PTPN3: variants seen among roughly 807,000 people sequenced by gnomAD.
PTPN3 encodes the protein protein tyrosine phosphatase non-receptor type 3.
In PTPN3, 96 loss-of-function variants were observed where a neutral mutation model predicts 132.7. That is an observed-to-expected ratio of 0.72 (90% CI 0.61 to 0.86). PTPN3 has a LOEUF of 0.86. Among genes scored for constraint, PTPN3 ranks in the 40% least tolerant of loss-of-function variants. PTPN3 has a pLI of 0.00. For missense variants in PTPN3, 1,125 were observed against 1,159.6 expected (o/e 0.97, Z 0.43); for synonymous variants, 398 against 429.0 (o/e 0.93, Z 0.89).
At chr9:109,449,033 C>T (rs1845057217) in intron 5 of PTPN3, 178 bp from the exon 6 acceptor site, 4 of 1,417,926 alleles carry the variant, frequency 2.8e-6, no homozygotes, top group Non-Finnish European at 3.7e-6. Flanking sequence ...CCTGTCATTA[C>T]TGATGGCTCA....
At chr9:109,453,312 G>C (rs1845373939) in intron 5 of PTPN3, among the ~76,000 whole-genome samples, 1 of 151,428 alleles carries the variant, frequency 6.6e-6, no homozygotes, top group Non-Finnish European at 1.5e-5. Flanking sequence ...TATGTCTTTT[G>C]GCCACGATGA....
chr9:109,448,808 T>A lies in PTPN3; in HGVS notation c.413+3A>T. On this transcript the variant is annotated splice_donor_region_variant and intron_variant, in intron 6 of 25. Coordinates refer to ENST00000374541, the MANE Select transcript of PTPN3 (RefSeq NM_002829.4). The stretch of plus-strand genomic sequence containing the variant: ...GAAAAGAAAAATGTAAAATTCTCAT[T>A]ACCTTCCTTCGCAAATATCCATCTT... 1 of 1,595,448 alleles carries A rather than the reference T, an allele frequency of 6.3e-7. No individual in the cohort carries two copies. The highest frequency in any genetic ancestry group is 8.5e-7 in the Non-Finnish European group (1 of 1,174,728).
At chr9:109,432,381 C>T (rs1425590549) in intron 10 of PTPN3, among the ~76,000 whole-genome samples, 1 of 152,144 alleles carries the variant, frequency 6.6e-6, no homozygotes, top group Non-Finnish European at 1.5e-5. Context: ...CCTTTTCCAT[C>T]TGCATCTCCT....
At chr9:109,532,811 A>G in the PTPN3 span, 2 of 741,016 alleles carry the variant, frequency 2.7e-6, no homozygotes, top group Admixed American at 4.2e-5. Context: ...GGTTGATGAT[A>G]GAGATGATAA....
chr9:109,482,326 T>G (rs1467903615), intron 1 of PTPN3, among the ~76,000 whole-genome samples: 1 of 152,206 alleles, frequency 6.6e-6, no homozygotes, highest in East Asian at 1.9e-4. Context: ...GACGGCCAGT[T>G]AAGTAAGCCA....
chr9:109,380,759 C>T (rs1158857253), intron 25 of PTPN3, among the ~76,000 whole-genome samples: 1 of 152,180 alleles, frequency 6.6e-6, no homozygotes, highest in African/African-American at 2.4e-5. Flanking sequence ...ACTTTGTCCA[C>T]AGCCTGTGAA....
chr9:109,385,249 T>C (rs1289788105), intron 22 of PTPN3, among the ~76,000 whole-genome samples: 1 of 152,220 alleles, frequency 6.6e-6, no homozygotes, highest in East Asian at 1.9e-4. Flanking sequence ...AAAGAACAAG[T>C]CTGTGGAGAT....
chr9:109,521,553 C>A, the PTPN3 span, among the ~76,000 whole-genome samples: 2 of 152,200 alleles, frequency 1.3e-5, no homozygotes, highest in Admixed American at 1.3e-4. Flanking sequence ...TGCATCACAC[C>A]TCTCATCCTT....
chr9:109,534,274 G>A, the PTPN3 span: 96 of 1,538,306 alleles, frequency 6.2e-5, no homozygotes, highest in African/African-American at 1.2e-3. Context: ...GGCGCTGAGG[G>A]CGGGGGGCGG....
intron 1 of PTPN3, among the ~76,000 whole-genome samples, chr9:109,476,801 A>T (rs1465396704): frequency 1.3e-5 from 2 of 152,230 alleles, no homozygotes; most frequent in African/African-American, 4.8e-5. Context: ...CTGGCCCGCC[A>T]CAGCCACTCA....
upstream of PTPN3, among the ~76,000 whole-genome samples, chr9:109,500,561 C>T (rs987202211): frequency 6.6e-6 from 1 of 151,432 alleles, no homozygotes; most frequent in Non-Finnish European, 1.5e-5. Flanking sequence ...GAAATAATAA[C>T]TATCTTACAC....
chr9:109,388,561 C>T (rs1032597309), intron 22 of PTPN3, among the ~76,000 whole-genome samples: 6 of 152,116 alleles, frequency 3.9e-5, no homozygotes, highest in African/African-American at 9.7e-5. Flanking sequence ...ACGGAGCTGG[C>T]GGACAGCAGC....
upstream of PTPN3, among the ~76,000 whole-genome samples, chr9:109,498,933 G>C (rs1201786649): frequency 6.6e-6 from 1 of 152,132 alleles, no homozygotes; most frequent in Non-Finnish European, 1.5e-5. This position sits in a 1 kb window ranked among gnomAD's most constrained non-coding sequence, Gnocchi z 4.2. Flanking sequence ...ATTGTACATA[G>C]GTCCCCTCCT....
chr9:109,451,766 A>ACTGG (rs1845260986), intron 5 of PTPN3, among the ~76,000 whole-genome samples: 1 of 152,216 alleles, frequency 6.6e-6, no homozygotes, highest in African/African-American at 2.4e-5. Flanking sequence ...CCTAGGTTGC[A>ACTGG]CTGGCCGTAG....
intron 4 of PTPN3, among the ~76,000 whole-genome samples, chr9:109,455,176 G>C (rs985989986): frequency 4.6e-5 from 7 of 152,314 alleles, no homozygotes; most frequent in African/African-American, 1.4e-4. Context: ...TTAATGTAAA[G>C]TATATTAAGT....
chr9:109,475,594 C>A (rs1399176270), intron 1 of PTPN3, among the ~76,000 whole-genome samples: 4 of 152,204 alleles, frequency 2.6e-5, no homozygotes, highest in Non-Finnish European at 4.4e-5. Context: ...TCCACAGGGA[C>A]ATGAATCAAG....
At chr9:109,415,023 TGTCCGTCTGTCCGTCC>T (rs1220546131) in intron 14 of PTPN3, among the ~76,000 whole-genome samples, 1 of 85,600 alleles carries the variant, frequency 1.2e-5, no homozygotes, top group Non-Finnish European at 2.6e-5. Flanking sequence ...TCTAACCATT[TGTCCGTCTGTCCGTCC>T]GTCCGTCCGT....
intron 25 of PTPN3, 78 bp downstream of exon 25, chr9:109,381,574 C>G (rs1231213518): frequency 1.3e-6 from 2 of 1,559,162 alleles, no homozygotes; most frequent in African/African-American, 2.7e-5. Context: ...TGTTGACTCA[C>G]AAAGCCCTTC....
At chr9:109,391,882 G>GT (rs1305739498) in intron 19 of PTPN3, among the ~76,000 whole-genome samples, 1 of 84,166 alleles carries the variant, frequency 1.2e-5, no homozygotes, top group African/African-American at 4.6e-5. Flanking sequence ...GGGGGGGGGG[G>GT]GAAGAATTCT....
Sources: gnomAD v4.1 joint callset for allele counts (sites outside exome capture counted in the v4.1 genomes callset) on GRCh38, gnomAD v4.1.1 for gene constraint, Gnocchi (gnomAD v3.1) non-coding constraint, MANE v1.5 for transcripts, NCBI Gene and HGNC (gene_info 2026-07-23, HGNC 2026-07-21) for gene names.